Variants in TM9SF2 observed in about 807,000 individuals in gnomAD.
The protein encoded by TM9SF2 is 76 kDa membrane protein.
A neutral mutation model predicts 84.9 loss-of-function variants in TM9SF2; 13 were observed. That is an observed-to-expected ratio of 0.15 (90% CI 0.10 to 0.24). TM9SF2 has a LOEUF of 0.24. TM9SF2 is among the 10% of genes least tolerant of loss of function. The probability of loss-of-function intolerance (pLI) is 1.00; values close to 1 mark genes in which losing one functional copy is unlikely to be tolerated. For missense variants in TM9SF2, 562 were observed against 818.5 expected, an observed-to-expected ratio of 0.69 and a Z score of 3.82; for synonymous variants, 273 against 285.8, an observed-to-expected ratio of 0.96 and a Z score of 0.45.
At position 99,501,561 on chromosome 13, in the gene TM9SF2, C is replaced by A; in HGVS notation, c.-46C>A. ...TCCGAGACTCCCCACCCCTCCTTCC[C>A]TCTTGACCCCCTAGGTTTGATTGCC... On this transcript the variant is annotated 5_prime_UTR_variant, in exon 1 of 17. Coordinates refer to ENST00000376387, the MANE Select transcript of TM9SF2 (RefSeq NM_004800.3). The A allele has an allele frequency of 6.3e-7, 1 of 1,595,526 alleles. No individual in the cohort carries two copies.
intron 10 of TM9SF2, among the ~76,000 whole-genome samples, chr13:99,546,097 C>G (rs1340438781): frequency 3.3e-5 from 5 of 152,200 alleles, no homozygotes; most frequent in African/African-American, 9.7e-5. Context: ...TCTTGTACAT[C>G]TTCTAAAGCT....
chr13:99,537,255 C>A (rs1308491444), intron 5 of TM9SF2, among the ~76,000 whole-genome samples: 1 of 152,006 alleles, frequency 6.6e-6, no homozygotes, highest in Admixed American at 6.5e-5. Context: ...TGATTTAAAT[C>A]TCTTAATGGA....
At chr13:99,551,278 T>A (rs1238830844) in intron 12 of TM9SF2, among the ~76,000 whole-genome samples, 1 of 152,202 alleles carries the variant, frequency 6.6e-6, no homozygotes, top group African/African-American at 2.4e-5. Context: ...TGTGAAGGTG[T>A]TTGGAAAGTC....
chr13:99,554,532 A>G, intron 14 of TM9SF2, 77 bp downstream of exon 14: 41 of 1,442,366 alleles, frequency 2.8e-5, no homozygotes, highest in Non-Finnish European at 3.7e-5. Flanking sequence ...TATATGGGTT[A>G]CTATTTGTAT....
At chr13:99,545,997 T>G (rs1187981644) in intron 10 of TM9SF2, among the ~76,000 whole-genome samples, 2 of 152,188 alleles carry the variant, frequency 1.3e-5, no homozygotes, top group Non-Finnish European at 2.9e-5. Flanking sequence ...TGGGAATAAT[T>G]TTCCTTAAGT....
intron 3 of TM9SF2, among the ~76,000 whole-genome samples, chr13:99,527,418 A>G (rs2046188584): frequency 6.6e-6 from 1 of 152,184 alleles, no homozygotes; most frequent in African/African-American, 2.4e-5. Flanking sequence ...GGCAGAAAAG[A>G]GAAGTGCAGA....
intron 6 of TM9SF2, among the ~76,000 whole-genome samples, chr13:99,539,231 A>C (rs1045223897): frequency 6.6e-6 from 1 of 152,086 alleles, no homozygotes; most frequent in African/African-American, 2.4e-5. Context: ...AGAAAAAAAA[A>C]AAGATTATTT....
At position 99,554,464 on chromosome 13, in the gene TM9SF2, A is replaced by G; in HGVS notation, c.1640+9A>G. ...ATTCTGAATAGTATTTGGTAAGCTA[A>G]GGATAAAGTCCTCTCATTCTCATTA... On this transcript the variant is annotated intron_variant, in intron 14 of 16. Coordinates refer to ENST00000376387, the MANE Select transcript of TM9SF2 (RefSeq NM_004800.3). 3.7e-6 allele frequency: 6 copies of G among 1,613,102 alleles called. No individual in the cohort carries two copies. Among genetic ancestry groups the G allele is most frequent in the Non-Finnish European group, 5.1e-6 (6 of 1,179,546 alleles).
In TM9SF2 at chr13:99,530,379, G is replaced by A. The variant is rs185881016; in HGVS notation, c.461+785G>A. On this transcript the variant is annotated intron_variant, in intron 4 of 16. Coordinates refer to ENST00000376387, the MANE Select transcript of TM9SF2 (RefSeq NM_004800.3). ...GCGGAGCTTGCAGTGAGCTGAGATC[G>A]TGCCACTGCACTCCCGCCTGGGCGA... Among the ~76,000 whole-genome samples the A allele has an allele frequency of 4.1e-3, 620 of 152,306 alleles. 5 individuals carry two copies. Among genetic ancestry groups the A allele is most frequent in the African/African-American group, 0.014 (580 of 41,572 alleles).
intron 3 of TM9SF2, 141 bp downstream of exon 3, chr13:99,520,270 A>G: frequency 1.5e-6 from 1 of 659,404 alleles, no homozygotes. Flanking sequence ...TCTTAAAATC[A>G]AAGTTAGAAG....
Position 99,559,532 on chromosome 13 carries a change from C to T in TM9SF2, c.1922C>T (p.Thr641Ile). The T allele has an allele frequency of 1.3e-6, 2 of 1,587,624 alleles. No individual in the cohort carries two copies. Among genetic ancestry groups the T allele is most frequent in the Non-Finnish European group, 1.7e-6 (2 of 1,171,050 alleles). The change falls in exon 16 of 17, where the codon ACA (threonine) becomes ATA (isoleucine). Residue 641 changes from threonine (T) to isoleucine (I), a missense_variant and splice_region_variant. Physicochemically the swap from Thr to Ile is moderately conservative, Grantham distance 89. Transcript: ENST00000376387. Reference protein sequence around the residue: ...MIMVLIFFLFTGTIGFFACFW... With the variant: ...MIMVLIFFLFIGTIGFFACFW... ...ATGGTTTTGATCTTCTTTCTTTTTA[C>T]AGGTAAAATTATAATTTAAGTGATT...
At chr13:99,544,093 T>C in intron 10 of TM9SF2, 98 bp downstream of exon 10, 2 of 1,384,996 alleles carry the variant, frequency 1.4e-6, no homozygotes, top group South Asian at 1.3e-5. Context: ...GGCTCATGCC[T>C]GTAATCCTAG....
intron 1 of TM9SF2, among the ~76,000 whole-genome samples, chr13:99,510,070 A>G (rs1049990237): frequency 1.3e-5 from 2 of 152,186 alleles, no homozygotes; most frequent in African/African-American, 4.8e-5. Flanking sequence ...GCAGAGTTCC[A>G]CAGATCCCTA....
intron 1 of TM9SF2, among the ~76,000 whole-genome samples, chr13:99,516,363 C>A (rs1036253082): frequency 2.0e-5 from 3 of 152,150 alleles, no homozygotes; most frequent in African/African-American, 4.8e-5. Context: ...CGTGGCACTC[C>A]CAGAAGCCTC....
intron 4 of TM9SF2, among the ~76,000 whole-genome samples, chr13:99,535,203 T>G (rs2046228636): frequency 2.0e-5 from 3 of 151,944 alleles, no homozygotes. Flanking sequence ...TCAAAGGGAT[T>G]TTTTTTTAAA....
At chr13:99,533,266 T>C (rs2139091377) in intron 4 of TM9SF2, among the ~76,000 whole-genome samples, 1 of 152,328 alleles carries the variant, frequency 6.6e-6, no homozygotes, top group South Asian at 2.1e-4. Flanking sequence ...CAAGAAAATA[T>C]TAAGTAAAAG....
At chr13:99,507,845 A>G (rs1023727606) in intron 1 of TM9SF2, among the ~76,000 whole-genome samples, 1 of 152,142 alleles carries the variant, frequency 6.6e-6, no homozygotes, top group Non-Finnish European at 1.5e-5. Flanking sequence ...TCCCTTGAAA[A>G]TCCAGTTGTA....
chr13:99,555,569 A>C lies in TM9SF2; in HGVS notation c.1674A>C (p.Leu558=). 1 of 1,613,858 alleles carries C rather than the reference A, an allele frequency of 6.2e-7. No individual in the cohort carries two copies. Among genetic ancestry groups the C allele is most frequent in the Non-Finnish European group, 8.5e-7 (1 of 1,179,870 alleles). ...SHQMYYMFGF[L]FLVFIILVIT... ...AGATGTATTACATGTTTGGCTTCCTATTTCTGGTGTTTATCATTTTGGTTA... is the reference window on the plus strand; with the variant it reads ...AGATGTATTACATGTTTGGCTTCCTCTTTCTGGTGTTTATCATTTTGGTTA... The change falls in exon 15 of 17, where the codon CTA becomes CTC. Residue 558 remains leucine (L), a synonymous_variant. Transcript: ENST00000376387.
In TM9SF2 at chr13:99,562,979, GGTT is replaced by G. The variant is rs1381364770; in HGVS notation, c.*225_*227del. Reference sequence around the variant, plus strand: ...TTGTGATTTGATTAAGTATATATTTGGTTGTTCTCAATGAAGAGCAAATTTAAA... The same window carrying G: ...TTGTGATTTGATTAAGTATATATTTGGTTCTCAATGAAGAGCAAATTTAAA... On this transcript the variant is annotated 3_prime_UTR_variant, in exon 17 of 17. Coordinates refer to ENST00000376387, the MANE Select transcript of TM9SF2 (RefSeq NM_004800.3). 9.6e-6 allele frequency: 4 copies of G among 417,378 alleles called. No homozygotes were observed. Among genetic ancestry groups the G allele is most frequent in the East Asian group, 7.8e-5 (2 of 25,724 alleles). The allele number at this position is 417,378 out of a possible 1,614,324, so 25.9% of individuals were successfully genotyped here. A position where few individuals can be genotyped will look rare whatever the true frequency, so the allele number is the denominator to read the frequency against.
Sources: allele counts gnomAD v4.1 joint callset (sites outside exome capture counted in the v4.1 genomes callset), GRCh38; gene constraint gnomAD v4.1.1; transcripts MANE v1.5; gene names NCBI Gene and HGNC (gene_info 2026-07-23, HGNC 2026-07-21).